ACSF3: variants seen among roughly 807,000 people sequenced by gnomAD.
ACSF3 encodes the protein acyl-CoA synthetase family member 3.
In ACSF3, 78 loss-of-function variants were observed where a neutral mutation model predicts 53.2. The observed-to-expected ratio is 1.47, with a 90% CI of 1.22 to 1.77. The LOEUF is 1.77. Among genes scored for constraint, ACSF3 ranks in the 40% most tolerant of loss-of-function variants. ACSF3 has a pLI of 0.00. For synonymous variants in ACSF3, 414 were observed against 333.1 expected (o/e 1.24, Z -2.65); for missense variants, 937 against 771.1 (o/e 1.22, Z -2.55).
intron 7 of ACSF3, chr16:89,122,572 G>A: frequency 3.5e-6 from 1 of 284,652 alleles, no homozygotes; most frequent in African/African-American, 2.2e-5. Context: ...AACCCTGTCT[G>A]CAGGGACGGG....
At position 89,154,504 on chromosome 16, in the gene ACSF3, C is replaced by G. The variant is rs545830225; in HGVS notation, c.*297C>G. Reference sequence around the variant, plus strand: ...CCCACGTGCTGAGGCACCTCCCGCCCCACAGTGCCCTGCAGTTGCCAGGCT... The same window carrying G: ...CCCACGTGCTGAGGCACCTCCCGCCGCACAGTGCCCTGCAGTTGCCAGGCT... On this transcript the variant is annotated 3_prime_UTR_variant, in exon 11 of 11. Coordinates refer to ENST00000614302, the MANE Select transcript of ACSF3 (RefSeq NM_001243279.3). 5.4e-4 allele frequency: 307 copies of G among 563,906 alleles called. 3 individuals carry two copies. The highest frequency in any genetic ancestry group is 4.5e-3 in the South Asian group (292 of 65,422). The allele number at this position is 563,906 out of a possible 1,614,324, so 34.9% of individuals were successfully genotyped here. A position where few individuals can be genotyped will look rare whatever the true frequency, so the allele number is the denominator to read the frequency against.
At chr16:89,125,785 C>T (rs911562296) in intron 7 of ACSF3, among the ~76,000 whole-genome samples, 1 of 152,122 alleles carries the variant, frequency 6.6e-6, no homozygotes, top group Non-Finnish European at 1.5e-5. Flanking sequence ...AATTACTATG[C>T]TGAGTCTTCC....
At chr16:89,115,939 G>C (rs1450563215) in intron 6 of ACSF3, among the ~76,000 whole-genome samples, 2 of 152,196 alleles carry the variant, frequency 1.3e-5, no homozygotes, top group African/African-American at 4.8e-5. Context: ...CTTGTGGTTT[G>C]TCTTCCCATT....
Position 89,154,133 on chromosome 16 carries a change from G to A in ACSF3, c.1657G>A (p.Val553Met). 1 of 1,613,450 alleles carries A rather than the reference G, an allele frequency of 6.2e-7. No individual in the cohort carries two copies. The highest frequency in any genetic ancestry group is 1.1e-5 in the South Asian group (1 of 90,836). The stretch of plus-strand genomic sequence containing the variant: ...CGCGGTGCCCTCGGAGCTGGTGCTG[G>A]TGGAGGAGATCCCGCGGAACCAGAT... ...PYAVPSELVL[V>M]EEIPRNQMGK... Residue 553 changes from valine to methionine, a missense_variant, in exon 11 of 11, where the codon GTG becomes ATG. Physicochemically the swap from Val to Met is conservative, Grantham distance 21 (BLOSUM62 1). Transcript: ENST00000614302.
intron 3 of ACSF3, chr16:89,102,308 G>A: frequency 2.2e-6 from 1 of 459,384 alleles, no homozygotes; most frequent in Non-Finnish European, 4.0e-6. Context: ...CAGGGGCGGA[G>A]CTCTGTCGAC....
intron 10 of ACSF3, chr16:89,150,910 A>G (rs1025133257): frequency 5.6e-6 from 6 of 1,062,204 alleles, no homozygotes; most frequent in Non-Finnish European, 6.2e-6. Flanking sequence ...GGCAGGAGGA[A>G]GTAAGTTAGA....
At position 89,145,253 on chromosome 16, in the gene ACSF3, C is replaced by A. The variant is rs781430961; in HGVS notation, c.1367-14C>A. On this transcript the variant is annotated splice_polypyrimidine_tract_variant and intron_variant, in intron 8 of 10. Transcript: ENST00000614302. ...TTTAAGGATGGCCAGTTAACCAGAG[C>A]CCCTTTTCCTCAGGGGACACCGTGG... 2 of 1,614,016 alleles carry A rather than the reference C, an allele frequency of 1.2e-6. No individual in the cohort carries two copies. Among genetic ancestry groups the A allele is most frequent in the South Asian group, 1.1e-5 (1 of 91,044 alleles).
chr16:89,121,390 G>A (rs1305973423), intron 7 of ACSF3, among the ~76,000 whole-genome samples: 4 of 152,308 alleles, frequency 2.6e-5, no homozygotes, highest in East Asian at 1.9e-4. Flanking sequence ...GGCCCTGCAC[G>A]CGGAGGTGGG....
intron 3 of ACSF3, among the ~76,000 whole-genome samples, chr16:89,102,167 G>A (rs902186814): frequency 5.3e-5 from 8 of 152,224 alleles, no homozygotes; most frequent in Non-Finnish European, 8.8e-5. Context: ...GTTCTGTCCC[G>A]GCTGAGCAGG....
At chr16:89,104,531 G>A (rs1465145092) in intron 4 of ACSF3, among the ~76,000 whole-genome samples, 6 of 152,112 alleles carry the variant, frequency 3.9e-5, no homozygotes, top group Non-Finnish European at 7.4e-5. Context: ...CTGACCGGGA[G>A]CTCAGGACCC....
intron 7 of ACSF3, among the ~76,000 whole-genome samples, chr16:89,123,047 C>T (rs1248800710): frequency 6.6e-6 from 1 of 152,204 alleles, no homozygotes; most frequent in African/African-American, 2.4e-5. Context: ...TCTGGGGCTG[C>T]TTAAATCTCA....
At chr16:89,140,130 C>T (rs1911459920) in intron 8 of ACSF3, among the ~76,000 whole-genome samples, 1 of 152,238 alleles carries the variant, frequency 6.6e-6, no homozygotes. Flanking sequence ...GTGCAGAAGC[C>T]TCCAGTGTCC....
At chr16:89,146,616 C>T (rs751875297) in intron 10 of ACSF3, among the ~76,000 whole-genome samples, 3 of 152,226 alleles carry the variant, frequency 2.0e-5, no homozygotes, top group Non-Finnish European at 4.4e-5. Flanking sequence ...GAGACCCCAG[C>T]ACCATCACCA....
intron 1 of ACSF3, among the ~76,000 whole-genome samples, chr16:89,097,512 G>A (rs1009217149): frequency 6.6e-6 from 1 of 152,214 alleles, no homozygotes; most frequent in Non-Finnish European, 1.5e-5. Context: ...GTGCCCAGTC[G>A]GTTTTCTGTG....
chr16:89,122,532 A>C lies in ACSF3; in HGVS notation c.1239+1619A>C, dbSNP rs1265771118. 6 of 322,194 alleles carry C rather than the reference A, an allele frequency of 1.9e-5. No homozygotes were observed. In the East Asian group the frequency reaches 5.5e-4, roughly 30 times the overall value. 20.0% of individuals were successfully genotyped at this position (322,194 alleles called of 1,614,324 possible). A position where few individuals can be genotyped will look rare whatever the true frequency, so the allele number is the denominator to read the frequency against. ...GTGCCCTGCAGTGCCCCTGCCCCCA[A>C]CTCGAGGACCTCCCAGCTCAGCCAG... On this transcript the variant is annotated intron_variant, in intron 7 of 10. Transcript: ENST00000614302.
intron 4 of ACSF3, among the ~76,000 whole-genome samples, chr16:89,105,211 A>G (rs1373183960): frequency 6.6e-5 from 10 of 152,278 alleles, no homozygotes; most frequent in Admixed American, 6.5e-4. Flanking sequence ...GCTGCGACAC[A>G]GCAGTCTGTT....
At chr16:89,151,189 T>A (rs1299417500) in intron 10 of ACSF3, 2 of 511,542 alleles carry the variant, frequency 3.9e-6, no homozygotes, top group Admixed American at 2.3e-5. Flanking sequence ...GATAACTCCC[T>A]TAAAAGACAC....
intron 6 of ACSF3, chr16:89,115,144 G>C (rs1904883181): frequency 5.6e-6 from 1 of 180,166 alleles, no homozygotes; most frequent in East Asian, 1.4e-4. Flanking sequence ...GAGTAGAAGA[G>C]AGATCTCAGT....
chr16:89,127,835 C>T (rs1049346963), intron 7 of ACSF3, among the ~76,000 whole-genome samples: 6 of 152,144 alleles, frequency 3.9e-5, no homozygotes, highest in African/African-American at 1.2e-4. Flanking sequence ...CTTCAGGCCA[C>T]GAAACCATTA....
Sources: gnomAD v4.1 joint callset for allele counts (sites outside exome capture counted in the v4.1 genomes callset) on GRCh38, gnomAD v4.1.1 for gene constraint, MANE v1.5 for transcripts, NCBI Gene and HGNC (gene_info 2026-07-23, HGNC 2026-07-21) for gene names.